Variants in ROBO2 observed in about 807,000 individuals in gnomAD.
ROBO2 encodes roundabout homolog 2.
In ROBO2, 53 loss-of-function variants were observed where a neutral mutation model predicts 160.8. The observed-to-expected ratio is 0.33, with a 90% CI of 0.26 to 0.41. The LOEUF is 0.41. Among genes scored for constraint, ROBO2 ranks in the 10% least tolerant of loss-of-function variants. The pLI is 1.00. For synonymous variants in ROBO2, 664 were observed against 611.7 expected (o/e 1.09, Z -1.26); for missense variants, 1,577 against 1,722.4 (o/e 0.92, Z 1.49).
chr3:77,116,136 A>G (rs148861534), intron 2 of ROBO2, among the ~76,000 whole-genome samples: 1 of 152,316 alleles, frequency 6.6e-6, no homozygotes, highest in Non-Finnish European at 1.5e-5. Flanking sequence ...CCTGTTGGAG[A>G]AATCAGTAAT....
At chr3:76,570,082 C>A (rs1394626233) in intron 2 of ROBO2, among the ~76,000 whole-genome samples, 2 of 152,158 alleles carry the variant, frequency 1.3e-5, no homozygotes, top group African/African-American at 4.8e-5. Flanking sequence ...CTGCAGTGAG[C>A]TTGATCATGC....
intron 2 of ROBO2, among the ~76,000 whole-genome samples, chr3:76,021,261 A>G (rs1330737333): frequency 1.3e-5 from 2 of 151,830 alleles, no homozygotes; most frequent in East Asian, 1.9e-4. Flanking sequence ...GCCATCATAG[A>G]AGCAATACAT....
At chr3:76,351,947 T>G (rs2108293646) in intron 2 of ROBO2, among the ~76,000 whole-genome samples, 1 of 152,164 alleles carries the variant, frequency 6.6e-6, no homozygotes, top group South Asian at 2.1e-4. Context: ...TCAATTAATG[T>G]TAATAACTTT....
chr3:76,150,572 G>C (rs1320775082), intron 2 of ROBO2, among the ~76,000 whole-genome samples: 1 of 152,092 alleles, frequency 6.6e-6, no homozygotes, highest in African/African-American at 2.4e-5. Flanking sequence ...TCCCACCTCA[G>C]GGCCTTTATA....
At chr3:76,536,055 G>T (rs1477425367) in intron 2 of ROBO2, among the ~76,000 whole-genome samples, 5 of 152,148 alleles carry the variant, frequency 3.3e-5, no homozygotes, top group East Asian at 1.9e-4. Context: ...TGGCTTAGGA[G>T]GAATCATGGG....
At chr3:76,531,075 G>T (rs2082198881) in intron 2 of ROBO2, among the ~76,000 whole-genome samples, 1 of 152,154 alleles carries the variant, frequency 6.6e-6, no homozygotes, top group African/African-American at 2.4e-5. Context: ...TTGAAGCAAA[G>T]TCATAAAATT....
intron 2 of ROBO2, among the ~76,000 whole-genome samples, chr3:76,902,560 C>A (rs1212436583): frequency 6.6e-6 from 1 of 152,052 alleles, no homozygotes; most frequent in East Asian, 1.9e-4. Flanking sequence ...TTTCAGTTGT[C>A]TGGACCCTTT....
intron 1 of ROBO2, among the ~76,000 whole-genome samples, chr3:77,065,691 A>G (rs769012104): frequency 3.9e-5 from 6 of 152,216 alleles, no homozygotes; most frequent in Non-Finnish European, 8.8e-5. Flanking sequence ...CAACTAAAAT[A>G]GTAAAATAAT....
chr3:77,576,196 A>C (rs530796583), intron 14 of ROBO2, among the ~76,000 whole-genome samples: 1 of 152,236 alleles, frequency 6.6e-6, no homozygotes, highest in African/African-American at 2.4e-5. Context: ...ATTTTGGAGC[A>C]ATATTGTCAC....
chr3:76,825,835 G>A (rs769782506), intron 2 of ROBO2, among the ~76,000 whole-genome samples: 9 of 151,718 alleles, frequency 5.9e-5, no homozygotes, highest in East Asian at 1.9e-4. Context: ...CTCCCTTAAC[G>A]TAACAGATTC....
intron 2 of ROBO2, among the ~76,000 whole-genome samples, chr3:76,242,121 T>G (rs1457328035): frequency 6.6e-6 from 1 of 152,160 alleles, no homozygotes; most frequent in African/African-American, 2.4e-5. Flanking sequence ...TATTAAGCGG[T>G]CAAATAATGG....
At chr3:76,663,732 T>C (rs940885403) in intron 2 of ROBO2, among the ~76,000 whole-genome samples, 2 of 152,046 alleles carry the variant, frequency 1.3e-5, no homozygotes, top group African/African-American at 4.8e-5. Context: ...TAGGACCTAA[T>C]TGTGTAAAGC....
At chr3:77,284,745 G>A (rs2060470269) in intron 2 of ROBO2, among the ~76,000 whole-genome samples, 1 of 151,868 alleles carries the variant, frequency 6.6e-6, no homozygotes, top group African/African-American at 2.4e-5. Context: ...TTTCTTACCT[G>A]TAAAATTATA....
chr3:77,373,479 G>T (rs1372215603), intron 2 of ROBO2, among the ~76,000 whole-genome samples: 1 of 151,826 alleles, frequency 6.6e-6, no homozygotes, highest in African/African-American at 2.4e-5. Context: ...TACAAGATTT[G>T]ACCTTTATTT....
At position 76,953,633 on chromosome 3, in the gene ROBO2, T is replaced by C. The variant is rs138715410; in HGVS notation, c.110-144381T>C. Among the ~76,000 whole-genome samples, 488 of 152,292 alleles carry C rather than the reference T, an allele frequency of 3.2e-3. 4 individuals are homozygous for C. The highest frequency in any genetic ancestry group is 0.011 in the African/African-American group (469 of 41,562). Reference sequence around the variant, plus strand: ...TTGGAGATCATCTTTGGCAGCAGAATGATCATTTCGGTCTATATTTCTGGT... The same window carrying C: ...TTGGAGATCATCTTTGGCAGCAGAACGATCATTTCGGTCTATATTTCTGGT... On this transcript the variant is annotated intron_variant, in intron 2 of 26. Coordinates refer to the ROBO2 transcript ENST00000487694.
At chr3:76,170,973 C>A (rs1302974972) in intron 2 of ROBO2, among the ~76,000 whole-genome samples, 1 of 152,138 alleles carries the variant, frequency 6.6e-6, no homozygotes, top group Non-Finnish European at 1.5e-5. Context: ...GCTATATGCA[C>A]ATTCATTTAT....
chr3:77,088,424 A>C (rs940801531), intron 1 of ROBO2, among the ~76,000 whole-genome samples: 4 of 152,278 alleles, frequency 2.6e-5, no homozygotes, highest in African/African-American at 9.6e-5. Context: ...TCTGGGATAC[A>C]TATGCAGGAT....
chr3:77,380,695 C>T (rs1178869845), intron 2 of ROBO2, among the ~76,000 whole-genome samples: 2 of 148,620 alleles, frequency 1.3e-5, no homozygotes, highest in Admixed American at 6.7e-5. Flanking sequence ...CTCCCTCCCT[C>T]CTTCCCTCCC....
chr3:76,017,690 G>GAC (rs1214656493), intron 2 of ROBO2, among the ~76,000 whole-genome samples: 1 of 151,896 alleles, frequency 6.6e-6, no homozygotes, highest in Non-Finnish European at 1.5e-5. Context: ...CACACATACA[G>GAC]ACACACACTC....
Sources: gnomAD v4.1 joint callset for allele counts (sites outside exome capture counted in the v4.1 genomes callset) on GRCh38, gnomAD v4.1.1 for gene constraint, MANE v1.5 for transcripts, NCBI Gene and HGNC (gene_info 2026-07-23, HGNC 2026-07-21) for gene names.